RPS6KC1: variants seen among roughly 807,000 people sequenced by gnomAD.
RPS6KC1 encodes the protein inactive ribosomal protein S6 kinase delta-1.
In RPS6KC1, 54 loss-of-function variants were observed where a neutral mutation model predicts 103.8. The observed-to-expected ratio is 0.52, with a 90% CI of 0.42 to 0.65. The LOEUF is 0.65. Ranked by LOEUF, RPS6KC1 falls within the 30% of genes least tolerant of loss-of-function variation. The pLI is 0.00. For missense variants in RPS6KC1, 1,151 were observed against 1,253.8 expected (o/e 0.92, Z 1.24); for synonymous variants, 439 against 438.7 (o/e 1.00, Z -0.01).
chr1:213,099,924 A>G (rs2081860805), intron 3 of RPS6KC1, among the ~76,000 whole-genome samples: 2 of 152,224 alleles, frequency 1.3e-5, no homozygotes, highest in Non-Finnish European at 1.5e-5. Context: ...GGCAATTTTA[A>G]GTAAATCTAC....
chr1:213,376,730 G>T, the RPS6KC1 span, among the ~76,000 whole-genome samples: 2 of 152,154 alleles, frequency 1.3e-5, no homozygotes, highest in Admixed American at 1.3e-4. Flanking sequence ...GGTTTGCCTT[G>T]TCTCTGCCTA....
At chr1:213,439,707 C>A in the RPS6KC1 span, among the ~76,000 whole-genome samples, 1 of 152,096 alleles carries the variant, frequency 6.6e-6, no homozygotes, top group Non-Finnish European at 1.5e-5. Flanking sequence ...TTATTATGAA[C>A]CCTTCTTAAA....
chr1:213,698,957 C>T, the RPS6KC1 span, among the ~76,000 whole-genome samples: 16 of 151,824 alleles, frequency 1.1e-4, no homozygotes, highest in South Asian at 1.0e-3. Context: ...TTTGAGGGTA[C>T]GTGAGATATT....
At chr1:213,136,795 A>G (rs1019859041) in intron 6 of RPS6KC1, among the ~76,000 whole-genome samples, 3 of 152,222 alleles carry the variant, frequency 2.0e-5, no homozygotes, top group Admixed American at 1.3e-4. Flanking sequence ...AAGCTTCTTC[A>G]TCTCCCCTCT....
the RPS6KC1 span, among the ~76,000 whole-genome samples, chr1:213,518,199 G>T: frequency 4.6e-5 from 7 of 152,152 alleles, no homozygotes; most frequent in Admixed American, 2.0e-4. Flanking sequence ...TGGGTTTTAT[G>T]ATGGCCCCCT....
intron 1 of RPS6KC1, among the ~76,000 whole-genome samples, chr1:213,058,691 T>C (rs1418277510): frequency 6.6e-6 from 1 of 152,208 alleles, no homozygotes; most frequent in Non-Finnish European, 1.5e-5. Context: ...TTAGGCAATA[T>C]TGTTTCTCCA....
the RPS6KC1 span, among the ~76,000 whole-genome samples, chr1:213,426,095 G>A: frequency 1.3e-5 from 2 of 152,178 alleles, no homozygotes; most frequent in South Asian, 2.1e-4. Flanking sequence ...CACCCTTTGC[G>A]GCAGAGCCAG....
intron 6 of RPS6KC1, among the ~76,000 whole-genome samples, chr1:213,142,449 C>T (rs1032545582): frequency 8.6e-5 from 13 of 152,014 alleles, no homozygotes; most frequent in African/African-American, 3.1e-4. Context: ...CCTAGAGTTG[C>T]CAGAGTTCTT....
At chr1:213,240,658 GGAGATCTTAATACTTTT>G (rs1356755988) in intron 10 of RPS6KC1, 27 bp from the exon 11 acceptor site, 53 of 1,483,258 alleles carry the variant, frequency 3.6e-5, no homozygotes, top group Non-Finnish European at 4.7e-5. Context: ...CTGTCAATTT[GGAGATCTTAATACTTTT>G]GTTTGTTTTG....
the RPS6KC1 span, among the ~76,000 whole-genome samples, chr1:213,738,716 C>T: frequency 2.5e-3 from 376 of 151,648 alleles, 1 homozygote; most frequent in African/African-American, 8.7e-3. Flanking sequence ...AAAATAAGGC[C>T]GGGTGTGGTG....
the RPS6KC1 span, among the ~76,000 whole-genome samples, chr1:213,805,522 T>C: frequency 4.6e-5 from 7 of 152,232 alleles, no homozygotes; most frequent in Non-Finnish European, 8.8e-5. Flanking sequence ...TCAAATTTTA[T>C]TGTGAGATTG....
the RPS6KC1 span, among the ~76,000 whole-genome samples, chr1:213,607,302 G>A: frequency 2.0e-5 from 3 of 152,300 alleles, no homozygotes; most frequent in Non-Finnish European, 4.4e-5. Context: ...ATTTTAGAAA[G>A]AAAAGAAATG....
the RPS6KC1 span, among the ~76,000 whole-genome samples, chr1:213,717,903 A>C: frequency 6.6e-6 from 1 of 152,206 alleles, no homozygotes; most frequent in South Asian, 2.1e-4. Context: ...GTCAATGGTC[A>C]TACAGATGGA....
chr1:213,631,902 G>A, the RPS6KC1 span, among the ~76,000 whole-genome samples: 7 of 152,114 alleles, frequency 4.6e-5, no homozygotes, highest in East Asian at 9.6e-4. Context: ...CACATGCACA[G>A]TTGGGACTCT....
chr1:213,251,188 C>G (rs1422055818), intron 12 of RPS6KC1, among the ~76,000 whole-genome samples: 4 of 141,080 alleles, frequency 2.8e-5, no homozygotes, highest in Non-Finnish European at 6.0e-5. Flanking sequence ...CTCACTATAA[C>G]CTCCACCTCC....
At chr1:213,573,074 G>A in the RPS6KC1 span, among the ~76,000 whole-genome samples, 1 of 152,152 alleles carries the variant, frequency 6.6e-6, no homozygotes. Context: ...GAACTTCTAT[G>A]TCAGAATACA....
At chr1:213,603,817 C>T in the RPS6KC1 span, among the ~76,000 whole-genome samples, 1 of 151,720 alleles carries the variant, frequency 6.6e-6, no homozygotes, top group African/African-American at 2.4e-5. Flanking sequence ...CTGAGATTGC[C>T]CCACTGTACT....
At chr1:213,712,141 C>T in the RPS6KC1 span, among the ~76,000 whole-genome samples, 1 of 152,222 alleles carries the variant, frequency 6.6e-6, no homozygotes. Context: ...GGTGCTTTGT[C>T]CCAGGAAGAT....
intron 1 of RPS6KC1, among the ~76,000 whole-genome samples, chr1:213,053,878 C>G (rs2077133564): frequency 6.6e-6 from 1 of 151,694 alleles, no homozygotes; most frequent in African/African-American, 2.4e-5. Context: ...GCTCTCTTGC[C>G]CAGGCTGGAG....
Sources: gnomAD v4.1 joint callset for allele counts (sites outside exome capture counted in the v4.1 genomes callset) on GRCh38, gnomAD v4.1.1 for gene constraint, MANE v1.5 for transcripts, NCBI Gene and HGNC (gene_info 2026-07-23, HGNC 2026-07-21) for gene names.